Variants in RUVBL1 observed in about 807,000 individuals in gnomAD.
RUVBL1 encodes the protein RuvB like AAA ATPase 1, also known as ruvB-like 1.
Under a neutral mutation model 52.4 loss-of-function variants are expected in RUVBL1, and 4 were observed. The observed-to-expected ratio is 0.08, with a 90% CI of 0.04 to 0.17. RUVBL1 has a LOEUF of 0.17. RUVBL1 is among the 10% of genes least tolerant of loss of function. The probability of loss-of-function intolerance (pLI) is 1.00; values close to 1 mark genes in which losing one functional copy is unlikely to be tolerated. For missense variants in RUVBL1, 298 were observed against 572.8 expected (o/e 0.52, Z 4.90); for synonymous variants, 217 against 214.4 (o/e 1.01, Z -0.10).
At chr3:128,115,711 C>CAAGT (rs1471398345) in intron 2 of RUVBL1, among the ~76,000 whole-genome samples, 2 of 152,186 alleles carry the variant, frequency 1.3e-5, no homozygotes, top group African/African-American at 2.4e-5. Context: ...TCTCCTCTTA[C>CAAGT]AAAACACCTA....
At chr3:128,086,984 G>T (rs1265456848) in intron 9 of RUVBL1, among the ~76,000 whole-genome samples, 5 of 152,242 alleles carry the variant, frequency 3.3e-5, no homozygotes, top group Non-Finnish European at 7.3e-5. Context: ...CTCCAATGAA[G>T]CCTCTTATTA....
intron 9 of RUVBL1, among the ~76,000 whole-genome samples, chr3:128,074,715 G>A (rs1047465489): frequency 4.6e-5 from 7 of 151,774 alleles, no homozygotes; most frequent in African/African-American, 1.5e-4. Context: ...GGTGGCATGC[G>A]CTTATAATCC....
intron 3 of RUVBL1, among the ~76,000 whole-genome samples, chr3:128,108,534 TTAAAAAAAA>T (rs1943300946): frequency 6.6e-6 from 1 of 151,994 alleles, no homozygotes; most frequent in African/African-American, 2.4e-5. Flanking sequence ...AATAGAACAT[TTAAAAAAAA>T]TACTCAGGGA....
chr3:128,067,798 G>A lies in RUVBL1; in HGVS notation c.940-2578C>T, dbSNP rs535822059. ...CCAGCAGTAGATCAGCTGTGGGTAT[G>A]AGAATCTGAATCCACACTGTAAAGT... On this transcript the variant is annotated intron_variant, in intron 9 of 9. Coordinates refer to the RUVBL1 transcript ENST00000464873. This position sits in a 1 kb window ranked among gnomAD's most constrained non-coding sequence, Gnocchi z 4.1. 16 of 676,416 alleles carry A rather than the reference G, an allele frequency of 2.4e-5. No homozygotes were observed. The highest frequency in any genetic ancestry group is 1.8e-4 in the African/African-American group (10 of 55,554). 41.9% of individuals were successfully genotyped at this position (676,416 alleles called of 1,614,324 possible).
intron 3 of RUVBL1, among the ~76,000 whole-genome samples, chr3:128,107,677 AAG>A (rs1943277946): frequency 6.6e-6 from 1 of 152,334 alleles, no homozygotes; most frequent in East Asian, 1.9e-4. Context: ...ATAGCCCCAA[AAG>A]AGAGGACCCA....
downstream of RUVBL1, among the ~76,000 whole-genome samples, chr3:128,077,257 ACC>A (rs1188523033): frequency 2.6e-5 from 4 of 151,624 alleles, no homozygotes; most frequent in East Asian, 7.8e-4. Flanking sequence ...TGGCCGGCCC[ACC>A]CCTTCACAGT....
intron 8 of RUVBL1, among the ~76,000 whole-genome samples, chr3:128,090,448 G>A (rs779918561): frequency 3.5e-4 from 53 of 152,202 alleles, no homozygotes; most frequent in South Asian, 6.2e-4. Context: ...GAACCCGGGA[G>A]GCGGAGCTTG....
At position 128,067,979 on chromosome 3, in the gene RUVBL1, G is replaced by C; in HGVS notation, c.940-2759C>G. ...CCAACTTCTCCCCTGTGGGCACCCT[G>C]CAGGTTGCAAAGCAGCTGAAGGAGC... On this transcript the variant is annotated intron_variant, in intron 9 of 9. Coordinates refer to the RUVBL1 transcript ENST00000464873. The surrounding 1 kb of genome is among the most constrained non-coding windows in gnomAD (Gnocchi z 4.1). The C allele has an allele frequency of 6.2e-7, 1 of 1,613,450 alleles. No individual in the cohort carries two copies. The highest frequency in any genetic ancestry group is 8.5e-7 in the Non-Finnish European group (1 of 1,179,518).
intron 9 of RUVBL1, among the ~76,000 whole-genome samples, chr3:128,086,936 C>A (rs944832696): frequency 6.6e-6 from 1 of 152,252 alleles, no homozygotes; most frequent in African/African-American, 2.4e-5. Flanking sequence ...AGGGCATGCA[C>A]GGTGTGCCAG....
chr3:128,119,226 C>T, intron 2 of RUVBL1, 102 bp downstream of exon 2: 1 of 739,606 alleles, frequency 1.4e-6, no homozygotes, highest in Non-Finnish European at 2.3e-6. Flanking sequence ...TACATATAAC[C>T]CATTTAGCTA....
At chr3:128,148,121 CT>C (rs113586064) in intron 1 of RUVBL1, among the ~76,000 whole-genome samples, 21,332 of 143,106 alleles carry the variant, frequency 0.15, 1,629 homozygotes, top group Admixed American at 0.21. Context: ...TCATAAAGGG[CT>C]TTTTTTTTTT....
At chr3:128,084,190 T>A (rs1018254069) in intron 9 of RUVBL1, 16 of 152,246 alleles carry the variant, frequency 1.1e-4, no homozygotes, top group Non-Finnish European at 1.5e-4. Flanking sequence ...GGCTCATGGG[T>A]GAACTGCCAG....
chr3:128,118,342 C>G (rs1300427044), intron 2 of RUVBL1, among the ~76,000 whole-genome samples: 1 of 152,154 alleles, frequency 6.6e-6, no homozygotes, highest in Non-Finnish European at 1.5e-5. Context: ...GATACACAAT[C>G]AGTAATCATT....
chr3:128,100,838 A>C, intron 5 of RUVBL1, 94 bp from the exon 6 acceptor site: 1 of 1,429,802 alleles, frequency 7.0e-7, no homozygotes, highest in Non-Finnish European at 9.6e-7. Flanking sequence ...CTCAGTTCCC[A>C]CTGCAGGCCT....
At chr3:128,073,940 T>C (rs1272755957) in intron 9 of RUVBL1, among the ~76,000 whole-genome samples, 1 of 152,182 alleles carries the variant, frequency 6.6e-6, no homozygotes, top group South Asian at 2.1e-4. Context: ...ATCTCCAAGA[T>C]ATGCTGTCAA....
intron 1 of RUVBL1, chr3:128,153,091 GCTGATTGGTGCATGTTACAGAGCA>G: frequency 4.8e-6 from 2 of 413,888 alleles, no homozygotes; most frequent in South Asian, 9.8e-5. Context: ...TTAGGATCCT[GCTGATTGGTGCATGTTACAGAGCA>G]CTGATTGGTG....
At chr3:128,135,038 T>C (rs1435965422) in intron 1 of RUVBL1, among the ~76,000 whole-genome samples, 1 of 152,162 alleles carries the variant, frequency 6.6e-6, no homozygotes, top group Non-Finnish European at 1.5e-5. Flanking sequence ...AAGAAGGTTA[T>C]AGAACACCAG....
intron 1 of RUVBL1, among the ~76,000 whole-genome samples, chr3:128,152,408 C>CA (rs1265883699): frequency 6.6e-6 from 1 of 152,182 alleles, no homozygotes; most frequent in African/African-American, 2.4e-5. Flanking sequence ...AGTTTCAACT[C>CA]AAACAGCAAC....
chr3:128,096,360 G>A (rs902727547), intron 8 of RUVBL1, among the ~76,000 whole-genome samples: 1 of 152,224 alleles, frequency 6.6e-6, no homozygotes, highest in East Asian at 1.9e-4. Context: ...AAAAGCAACC[G>A]CAGGAAAGTT....
Sources: gnomAD v4.1 joint callset for allele counts (sites outside exome capture counted in the v4.1 genomes callset) on GRCh38, gnomAD v4.1.1 for gene constraint, Gnocchi (gnomAD v3.1) non-coding constraint, MANE v1.5 for transcripts, NCBI Gene and HGNC (gene_info 2026-07-23, HGNC 2026-07-21) for gene names.